Variants in SLC36A1 observed in about 807,000 individuals in gnomAD.
The protein encoded by SLC36A1 is solute carrier family 36 member 1, also known as proton-coupled amino acid transporter 1.
Under a neutral mutation model 47.5 loss-of-function variants are expected in SLC36A1, and 30 were observed. The ratio of observed to expected loss-of-function variants is 0.63; its 90% confidence interval spans 0.47 to 0.86. SLC36A1 has a LOEUF of 0.86. Ranked by LOEUF, SLC36A1 falls within the 40% of genes least tolerant of loss-of-function variation. The pLI, the probability that SLC36A1 is intolerant of heterozygous loss-of-function variation, is 0.00. For missense variants in SLC36A1, 517 were observed against 606.0 expected (o/e 0.85, Z 1.54); for synonymous variants, 255 against 249.7 (o/e 1.02, Z -0.20).
At chr5:151,503,432 C>CATA in the SLC36A1 span, among the ~76,000 whole-genome samples, 4 of 148,764 alleles carry the variant, frequency 2.7e-5, 1 homozygote, top group African/African-American at 1.0e-4. Flanking sequence ...CTCAAGGCCA[C>CATA]ATAATTAGTG....
At chr5:151,436,879 A>G (rs2127437503), upstream of SLC36A1, among the ~76,000 whole-genome samples, 1 of 152,188 alleles carries the variant, frequency 6.6e-6, no homozygotes, top group South Asian at 2.1e-4. Flanking sequence ...CCTGCTAGTA[A>G]GTGGCAGGGC....
the SLC36A1 span, chr5:151,544,663 C>T: frequency 6.2e-7 from 1 of 1,614,192 alleles, no homozygotes; most frequent in South Asian, 1.1e-5. Flanking sequence ...CTCTTCCTCA[C>T]TCTGGAGGGA....
chr5:151,461,111 C>G (rs1448164303), intron 2 of SLC36A1, among the ~76,000 whole-genome samples: 1 of 151,536 alleles, frequency 6.6e-6, no homozygotes, highest in African/African-American at 2.4e-5. Context: ...CCTTAGTTTC[C>G]TAAGTAGCTG....
chr5:151,458,356 T>TATATATATATACACACAC (rs796511045), intron 1 of SLC36A1, among the ~76,000 whole-genome samples: 1 of 129,742 alleles, frequency 7.7e-6, no homozygotes, highest in African/African-American at 3.5e-5. Context: ...TATATATATA[T>TATATATATATACACACAC]ACACACACGA....
In SLC36A1 at chr5:151,479,339, C is replaced by T; in HGVS notation, c.1009C>T (p.Leu337=). The change falls in exon 10 of 11, where the codon CTG becomes TTG. Residue 337 remains leucine, a synonymous_variant. Transcript: ENST00000243389. ...PNCWLYQSVK[L]LYSIGIFFTY... ...CGGCAGGTTGTACCAGTCAGTTAAG[C>T]TGCTGTACTCCATCGGGATCTTTTT... The T allele has an allele frequency of 6.2e-7, 1 of 1,614,192 alleles. No homozygotes were observed. The highest frequency in any genetic ancestry group is 8.5e-7 in the Non-Finnish European group (1 of 1,180,016).
At chr5:151,480,024 G>A (rs918646545) in intron 10 of SLC36A1, 48 of 1,172,208 alleles carry the variant, frequency 4.1e-5, no homozygotes, top group Non-Finnish European at 5.6e-5. Context: ...GATCACTTGT[G>A]TTTTATTCTT....
chr5:151,413,561 T>C, the SLC36A1 span, among the ~76,000 whole-genome samples: 1 of 152,296 alleles, frequency 6.6e-6, no homozygotes, highest in South Asian at 2.1e-4. Context: ...TTTCGCCTTT[T>C]TATTTTTTAT....
At chr5:151,457,852 TTG>T (rs1344264440) in intron 1 of SLC36A1, among the ~76,000 whole-genome samples, 8 of 116,162 alleles carry the variant, frequency 6.9e-5, no homozygotes, top group South Asian at 3.6e-4. Context: ...TGTTGTTTGT[TTG>T]TTTTTTTTTT....
At chr5:151,555,502 T>C in the SLC36A1 span, among the ~76,000 whole-genome samples, 1 of 151,732 alleles carries the variant, frequency 6.6e-6, no homozygotes, top group Non-Finnish European at 1.5e-5. Flanking sequence ...CCCCGGTAGC[T>C]GGGATTACAA....
intron 5 of SLC36A1, among the ~76,000 whole-genome samples, chr5:151,466,892 A>G (rs1381903412): frequency 6.6e-6 from 1 of 152,112 alleles, no homozygotes; most frequent in Non-Finnish European, 1.5e-5. Flanking sequence ...AATGCCCCAG[A>G]CCAGTGGCAC....
intron 1 of SLC36A1, among the ~76,000 whole-genome samples, chr5:151,437,387 G>T (rs990739968): frequency 2.0e-5 from 3 of 152,170 alleles, no homozygotes; most frequent in Non-Finnish European, 4.4e-5. Context: ...ATAATGAAAA[G>T]CTATAGTCTC....
At chr5:151,508,403 G>C in the SLC36A1 span, among the ~76,000 whole-genome samples, 2 of 152,174 alleles carry the variant, frequency 1.3e-5, no homozygotes, top group Non-Finnish European at 2.9e-5. Flanking sequence ...GGACACACCA[G>C]TTGCTGAGAA....
chr5:151,461,571 A>T (rs774839221), intron 2 of SLC36A1, among the ~76,000 whole-genome samples: 1 of 152,220 alleles, frequency 6.6e-6, no homozygotes, highest in African/African-American at 2.4e-5. Flanking sequence ...CAAGAAGTCT[A>T]TGAGGCTAAA....
upstream of SLC36A1, among the ~76,000 whole-genome samples, chr5:151,433,245 TATATATATATATATATATA>T (rs1759509171): frequency 1.5e-4 from 2 of 13,372 alleles, no homozygotes; most frequent in African/African-American, 5.9e-4. Flanking sequence ...TATATATATA[TATATATATATATATATATA>T]TATTTTTTTT....
intron 5 of SLC36A1, 58 bp downstream of exon 5, chr5:151,465,227 G>A (rs962978149): frequency 7.6e-7 from 1 of 1,321,636 alleles, no homozygotes; most frequent in African/African-American, 1.4e-5. Context: ...CCTTCAGATG[G>A]GGAGGTGCAA....
the SLC36A1 span, among the ~76,000 whole-genome samples, chr5:151,410,332 CT>C: frequency 4.5e-5 from 6 of 134,562 alleles, no homozygotes; most frequent in African/African-American, 8.0e-5. Flanking sequence ...ACCTAGGCAT[CT>C]TTTTTTTTTC....
upstream of SLC36A1, among the ~76,000 whole-genome samples, chr5:151,444,750 G>A (rs1169944466): frequency 6.6e-6 from 1 of 152,198 alleles, no homozygotes; most frequent in African/African-American, 2.4e-5. Flanking sequence ...CTCCCAAAGT[G>A]CTGGGATTAC....
chr5:151,469,096 A>G (rs1756983803), intron 7 of SLC36A1: 1 of 459,804 alleles, frequency 2.2e-6, no homozygotes, highest in Admixed American at 3.8e-5. Flanking sequence ...ATAACTTAAA[A>G]AAAAAAATAC....
downstream of SLC36A1, among the ~76,000 whole-genome samples, chr5:151,497,185 C>T (rs1414878507): frequency 2.6e-5 from 4 of 152,158 alleles, no homozygotes; most frequent in East Asian, 3.8e-4. Flanking sequence ...CATCCTAGTC[C>T]AGTCCCTGAT....
Sources: allele counts gnomAD v4.1 joint callset (sites outside exome capture counted in the v4.1 genomes callset), GRCh38; gene constraint gnomAD v4.1.1; transcripts MANE v1.5; gene names NCBI Gene and HGNC (gene_info 2026-07-23, HGNC 2026-07-21).